DOCK2: variants seen among roughly 807,000 people sequenced by gnomAD.
DOCK2 encodes the protein dedicator of cytokinesis protein 2.
In DOCK2, 87 loss-of-function variants were observed where a neutral mutation model predicts 248.9. The ratio of observed to expected loss-of-function variants is 0.35; its 90% CI spans 0.29 to 0.42. The LOEUF (loss-of-function observed/expected upper bound fraction) is 0.42. Among genes scored for constraint, DOCK2 ranks in the 10% least tolerant of loss-of-function variants. The pLI, the probability that DOCK2 is intolerant of heterozygous loss-of-function variation, is 1.00. For synonymous variants in DOCK2, 805 were observed against 821.6 expected (o/e 0.98, Z 0.35); for missense variants, 1,747 against 2,300.2 (o/e 0.76, Z 4.92).
At chr5:169,893,304 C>A (rs1312083444) in intron 27 of DOCK2, among the ~76,000 whole-genome samples, 1 of 152,142 alleles carries the variant, frequency 6.6e-6, no homozygotes, top group African/African-American at 2.4e-5. Context: ...AGGGGAAAGC[C>A]TTTACTACCA....
chr5:169,839,795 C>T (rs547334464), intron 26 of DOCK2, among the ~76,000 whole-genome samples: 36 of 152,230 alleles, frequency 2.4e-4, no homozygotes, highest in Admixed American at 2.0e-3. Context: ...ACCCTAGTCC[C>T]GGGGCTCCAG....
intron 44 of DOCK2, among the ~76,000 whole-genome samples, chr5:170,066,746 C>A (rs1186914106): frequency 6.6e-6 from 1 of 152,210 alleles, no homozygotes; most frequent in Non-Finnish European, 1.5e-5. Context: ...TTCTACCCGT[C>A]ACCTATTTCT....
intron 33 of DOCK2, among the ~76,000 whole-genome samples, chr5:170,023,567 A>G (rs992878597): frequency 6.6e-6 from 1 of 152,180 alleles, no homozygotes; most frequent in Non-Finnish European, 1.5e-5. Flanking sequence ...TCCAACTGCC[A>G]TTAGAGGTTC....
intron 27 of DOCK2, among the ~76,000 whole-genome samples, chr5:169,910,971 A>G (rs536523656): frequency 5.3e-4 from 80 of 152,240 alleles, no homozygotes; most frequent in African/African-American, 1.8e-3. Context: ...GCCACTTGGA[A>G]GTGAGAATAA....
intron 26 of DOCK2, among the ~76,000 whole-genome samples, chr5:169,812,687 A>C (rs1029857621): frequency 6.6e-6 from 1 of 152,216 alleles, no homozygotes; most frequent in African/African-American, 2.4e-5. Context: ...CCTGGCAAAT[A>C]ATCTGCACTC....
intron 1 of DOCK2, among the ~76,000 whole-genome samples, chr5:169,638,751 T>A: frequency 6.6e-6 from 1 of 152,162 alleles, no homozygotes; most frequent in Non-Finnish European, 1.5e-5. Flanking sequence ...AGACCAAAGG[T>A]CATGCAATCT....
chr5:169,844,441 AG>A, intron 27 of DOCK2, among the ~76,000 whole-genome samples: 1 of 152,308 alleles, frequency 6.6e-6, no homozygotes, highest in East Asian at 1.9e-4. Context: ...TCAGGTTATC[AG>A]GGACACCTGC....
At position 169,774,345 on chromosome 5, in the gene DOCK2, G is replaced by A. The variant is rs12659279; in HGVS notation, c.2554+12720G>A. 8.9e-3 allele frequency among the ~76,000 whole-genome samples: 1,361 copies of A among 152,230 alleles called. 35 individuals are homozygous for A. Among genetic ancestry groups the A allele is most frequent in the East Asian group, 0.069 (357 of 5,184 alleles). ...GTGCCAGGCCCCAAATAATTAACTA[G>A]TTTAATTATCATGACATCCATGTAA... On this transcript the variant is annotated intron_variant, in intron 25 of 51. Coordinates refer to ENST00000520908, the MANE Select transcript of DOCK2 (RefSeq NM_004946.3).
intron 27 of DOCK2, among the ~76,000 whole-genome samples, chr5:169,975,255 C>T (rs1777675133): frequency 6.6e-6 from 1 of 152,200 alleles, no homozygotes; most frequent in African/African-American, 2.4e-5. Context: ...GGAACAACTC[C>T]AGTCTAGTGC....
chr5:169,669,250 A>G (rs761795378), intron 2 of DOCK2, 38 bp from the exon 3 acceptor site: 8 of 1,611,832 alleles, frequency 5.0e-6, no homozygotes, highest in Non-Finnish European at 6.8e-6. Context: ...CAAACTTGTA[A>G]TAAATGAGGG....
At chr5:170,033,763 G>A (rs1217823504) in intron 34 of DOCK2, among the ~76,000 whole-genome samples, 1 of 152,184 alleles carries the variant, frequency 6.6e-6, no homozygotes, top group African/African-American at 2.4e-5. Flanking sequence ...TAAGCTCTAT[G>A]TTAGTTGGTT....
At chr5:169,825,596 A>G (rs2113261898) in intron 26 of DOCK2, among the ~76,000 whole-genome samples, 1 of 124,006 alleles carries the variant, frequency 8.1e-6, no homozygotes, top group Admixed American at 9.3e-5. Flanking sequence ...CAGGGCGGGG[A>G]ACATCACACA....
chr5:169,747,920 C>T lies in DOCK2; in HGVS notation c.2376+416C>T, dbSNP rs754959352. Among the ~76,000 whole-genome samples, 12 of 152,314 alleles carry T rather than the reference C, an allele frequency of 7.9e-5. No homozygotes were observed. In the East Asian group the frequency reaches 2.1e-3, roughly 27 times the overall value. ...AATGAGTCCTCTCATGTGTGGTCCA[C>T]GATGCTAATCTGTGAAGACTGCAAA... On this transcript the variant is annotated intron_variant, in intron 23 of 51. Coordinates refer to ENST00000520908, the MANE Select transcript of DOCK2 (RefSeq NM_004946.3).
chr5:169,963,981 G>C (rs1777195995), intron 27 of DOCK2, among the ~76,000 whole-genome samples: 1 of 152,164 alleles, frequency 6.6e-6, no homozygotes, highest in South Asian at 2.1e-4. Flanking sequence ...ACTGCTTCAA[G>C]GGGAGGGAGC....
At chr5:169,849,104 G>T (rs1361984406) in intron 27 of DOCK2, among the ~76,000 whole-genome samples, 1 of 152,196 alleles carries the variant, frequency 6.6e-6, no homozygotes, top group African/African-American at 2.4e-5. Flanking sequence ...GTGGTTCTCA[G>T]CCAGGAGTGG....
At chr5:169,681,639 C>CCG in intron 6 of DOCK2, 105 bp from the exon 7 acceptor site, 4 of 1,371,828 alleles carry the variant, frequency 2.9e-6, no homozygotes, top group South Asian at 1.6e-5. Context: ...TTCTATGTGA[C>CCG]TATATGACCC....
chr5:169,825,672 T>C (rs1198802869), intron 26 of DOCK2, among the ~76,000 whole-genome samples: 1 of 149,970 alleles, frequency 6.7e-6, no homozygotes, highest in Non-Finnish European at 1.5e-5. Context: ...CTAATGTAAA[T>C]GATGAGTTAA....
intron 25 of DOCK2, among the ~76,000 whole-genome samples, chr5:169,773,944 GC>G (rs1765239743): frequency 6.6e-6 from 1 of 151,984 alleles, no homozygotes; most frequent in Non-Finnish European, 1.5e-5. Flanking sequence ...CGTGCCTTTT[GC>G]CCCCTGCCAT....
intron 32 of DOCK2, among the ~76,000 whole-genome samples, chr5:170,017,475 A>G (rs1755573742): frequency 6.6e-6 from 1 of 152,082 alleles, no homozygotes; most frequent in South Asian, 2.1e-4. Context: ...TCTGATGCAT[A>G]TTTTCTGAAG....
Sources: allele counts gnomAD v4.1 joint callset (sites outside exome capture counted in the v4.1 genomes callset), GRCh38; gene constraint gnomAD v4.1.1; transcripts MANE v1.5; gene names NCBI Gene and HGNC (gene_info 2026-07-23, HGNC 2026-07-21).